SLC39A11: variants seen among roughly 807,000 people sequenced by gnomAD.
The protein encoded by SLC39A11 is solute carrier family 39 member 11, also known as zinc transporter ZIP11.
A neutral mutation model predicts 36.1 loss-of-function variants in SLC39A11; 33 were observed. That is an observed-to-expected ratio of 0.91 (90% CI 0.69 to 1.22). The LOEUF is 1.22. Among genes scored for constraint, SLC39A11 ranks in the 50% most tolerant of loss-of-function variants. SLC39A11 has a pLI of 0.00. For missense variants in SLC39A11, 432 were observed against 430.3 expected (o/e 1.00, Z -0.03); for synonymous variants, 166 against 170.3 (o/e 0.97, Z 0.20).
intron 7 of SLC39A11, among the ~76,000 whole-genome samples, chr17:72,666,298 C>G (rs1438038637): frequency 1.3e-5 from 2 of 152,184 alleles, no homozygotes; most frequent in African/African-American, 4.8e-5. Flanking sequence ...AAAAGCAAAA[C>G]CATCGCATTG....
At chr17:73,061,928 C>T (rs2059851896) in intron 3 of SLC39A11, among the ~76,000 whole-genome samples, 2 of 152,108 alleles carry the variant, frequency 1.3e-5, no homozygotes, top group South Asian at 4.2e-4. Context: ...ACCAAGAGGT[C>T]AATGCTGCAG....
In SLC39A11 at chr17:72,988,735, G is replaced by A. The variant is rs1373415037; in HGVS notation, c.307-40860C>T. Among the ~76,000 whole-genome samples the A allele has an allele frequency of 2.0e-5, 3 of 151,932 alleles. No homozygotes were observed. In the South Asian group the frequency reaches 6.2e-4, roughly 32 times the overall value. On this transcript the variant is annotated intron_variant, in intron 4 of 9. Transcript: ENST00000255559. Reference sequence around the variant, plus strand: ...TATTTATTTTTATTTTTGAGATGGAGTCTCACTCTGTTGCCCAGTCTGGAG... The same window carrying A: ...TATTTATTTTTATTTTTGAGATGGAATCTCACTCTGTTGCCCAGTCTGGAG...
chr17:72,865,445 C>T (rs1193922196), intron 5 of SLC39A11, among the ~76,000 whole-genome samples: 1 of 149,946 alleles, frequency 6.7e-6, no homozygotes, highest in Non-Finnish European at 1.5e-5. Context: ...GGGCCTACAC[C>T]TTGCAAAGGT....
At chr17:72,740,963 G>A (rs2713999) in intron 6 of SLC39A11, among the ~76,000 whole-genome samples, 1,618 of 152,056 alleles carry the variant, frequency 0.011, 31 homozygotes, top group African/African-American at 0.036. Flanking sequence ...TAGTAGAGAC[G>A]GGGTTTCTCC....
chr17:73,001,294 T>C (rs1033778440), intron 4 of SLC39A11, among the ~76,000 whole-genome samples: 2 of 151,390 alleles, frequency 1.3e-5, no homozygotes, highest in Non-Finnish European at 2.9e-5. Context: ...TTCTCTCTGT[T>C]CAAATAACTG....
intron 6 of SLC39A11, among the ~76,000 whole-genome samples, chr17:72,818,506 T>C (rs1042892556): frequency 6.6e-6 from 1 of 152,228 alleles, no homozygotes. Flanking sequence ...GCAGTGACTA[T>C]TTCTTGAATC....
chr17:72,952,060 C>T (rs570283656), intron 4 of SLC39A11, among the ~76,000 whole-genome samples: 1 of 152,256 alleles, frequency 6.6e-6, no homozygotes, highest in East Asian at 1.9e-4. Flanking sequence ...TACCCACTCC[C>T]GCCTGTACCC....
intron 4 of SLC39A11, among the ~76,000 whole-genome samples, chr17:73,026,517 C>CAAAAAAAAAAA (rs548390962): frequency 1.3e-5 from 1 of 75,564 alleles, no homozygotes; most frequent in Non-Finnish European, 3.0e-5. Flanking sequence ...GAAACTACAT[C>CAAAAAAAAAAA]AAAAAAAAAA....
chr17:72,922,499 A>G (rs1250436470), intron 5 of SLC39A11, among the ~76,000 whole-genome samples: 1 of 152,258 alleles, frequency 6.6e-6, no homozygotes, highest in African/African-American at 2.4e-5. Context: ...GTGCATAAGC[A>G]CATGTGTGCA....
At position 72,915,439 on chromosome 17, in the gene SLC39A11, C is replaced by T. The variant is rs572147693; in HGVS notation, c.430+32313G>A. ...GGCTCTAGTCCCGGCTTTCCCCTCA[C>T]TCTTCTGCTTCCTGGTGCTTTCCTG... is the stretch of plus-strand genomic sequence containing the variant. On this transcript the variant is annotated intron_variant, in intron 5 of 9. Transcript: ENST00000255559. 4.9e-4 allele frequency among the ~76,000 whole-genome samples: 74 copies of T among 152,378 alleles called. 2 individuals carry two copies. In the South Asian group the frequency reaches 0.014, roughly 29 times the overall value.
chr17:72,722,669 C>A (rs1392114499), intron 7 of SLC39A11, among the ~76,000 whole-genome samples: 1 of 151,880 alleles, frequency 6.6e-6, no homozygotes, highest in Non-Finnish European at 1.5e-5. Context: ...GAGTCTCGCT[C>A]TGTTGCCCAG....
At chr17:72,700,816 T>A (rs1172617990) in intron 7 of SLC39A11, among the ~76,000 whole-genome samples, 2 of 151,572 alleles carry the variant, frequency 1.3e-5, no homozygotes, top group African/African-American at 4.9e-5. Flanking sequence ...GCGAAACGGG[T>A]TTCCCCTTAT....
chr17:73,082,575 T>C (rs2060580517), intron 3 of SLC39A11, among the ~76,000 whole-genome samples: 1 of 152,186 alleles, frequency 6.6e-6, no homozygotes, highest in Non-Finnish European at 1.5e-5. Context: ...TGTTGTGTTA[T>C]AATACTGGCA....
chr17:72,662,156 C>A lies in SLC39A11; in HGVS notation c.672-12888G>T, dbSNP rs538290212. On this transcript the variant is annotated intron_variant, in intron 7 of 9. Transcript: ENST00000255559. Reference sequence around the variant, plus strand: ...CAGTGGTTCGCGCCTGTAATCCCAGCAACTCAGGAGATGGGTGGGAGGACT... The same window carrying A: ...CAGTGGTTCGCGCCTGTAATCCCAGAAACTCAGGAGATGGGTGGGAGGACT... Among the ~76,000 whole-genome samples the A allele has an allele frequency of 2.0e-5, 3 of 152,164 alleles. No individual in the cohort carries two copies. The East Asian group carries it at 5.8e-4, about 29-fold the overall frequency.
intron 6 of SLC39A11, among the ~76,000 whole-genome samples, chr17:72,809,199 T>TTCTTTCTCTCTCTCTC (rs2077356551): frequency 2.0e-5 from 2 of 102,328 alleles, no homozygotes; most frequent in Admixed American, 9.7e-5. Context: ...TTTCTTTTCT[T>TTCTTTCTCTCTCTCTC]TCTCTCTCTC....
chr17:72,723,961 G>A (rs1289391269), intron 7 of SLC39A11, among the ~76,000 whole-genome samples: 2 of 152,204 alleles, frequency 1.3e-5, no homozygotes, highest in African/African-American at 4.8e-5. Flanking sequence ...CTGGGGATGT[G>A]GAGGACAAAG....
intron 5 of SLC39A11, among the ~76,000 whole-genome samples, chr17:72,866,381 A>G (rs972253009): frequency 1.3e-5 from 2 of 152,204 alleles, no homozygotes; most frequent in African/African-American, 4.8e-5. Context: ...GAGTTGTATA[A>G]TTATTTCATT....
At chr17:73,003,420 A>G (rs2089935694) in intron 4 of SLC39A11, among the ~76,000 whole-genome samples, 1 of 152,172 alleles carries the variant, frequency 6.6e-6, no homozygotes, top group African/African-American at 2.4e-5. Context: ...CTGATGGAGA[A>G]CTAGAACCCT....
rs183389393 is a variant in SLC39A11 at position 72,858,043 on chromosome 17, C to T, written c.431-8239G>A. On this transcript the variant is annotated intron_variant, in intron 5 of 9. Coordinates refer to ENST00000255559, the MANE Select transcript of SLC39A11 (RefSeq NM_139177.4). ...GCTTTTGGGATCTTTACCATGAAAT[C>T]TTTCCCTGTTCCTATGTCCAGAATG... is the stretch of plus-strand genomic sequence containing the variant. Among the ~76,000 whole-genome samples, 192 of 152,304 alleles carry T rather than the reference C, an allele frequency of 1.3e-3. 1 individual carries two copies. Among genetic ancestry groups the T allele is most frequent in the African/African-American group, 4.3e-3 (180 of 41,558 alleles).
Sources: gnomAD v4.1 joint callset for allele counts (sites outside exome capture counted in the v4.1 genomes callset) on GRCh38, gnomAD v4.1.1 for gene constraint, MANE v1.5 for transcripts, NCBI Gene and HGNC (gene_info 2026-07-23, HGNC 2026-07-21) for gene names.